Variants in RFC3 observed in about 807,000 individuals in gnomAD.
RFC3 encodes the protein A1 38 kDa subunit.
RFC3 carries 41 observed loss-of-function variants against 45.1 expected under a neutral mutation model. The observed-to-expected ratio is 0.91, with a 90% confidence interval of 0.71 to 1.18. RFC3 has a LOEUF of 1.18. Ranked by LOEUF, RFC3 falls within the 50% of genes most tolerant of loss-of-function variation. RFC3 has a pLI of 0.00. For synonymous variants in RFC3, 149 were observed against 144.0 expected (o/e 1.03, Z -0.25); for missense variants, 423 against 428.1 (o/e 0.99, Z 0.10).
intron 8 of RFC3, among the ~76,000 whole-genome samples, chr13:33,870,682 C>T (rs371089595): frequency 1.3e-5 from 2 of 152,176 alleles, no homozygotes; most frequent in African/African-American, 2.4e-5. Context: ...ATATGTCTGG[C>T]TAGAACTAAG....
At chr13:33,895,871 G>C (rs572991291) in intron 8 of RFC3, among the ~76,000 whole-genome samples, 9 of 152,262 alleles carry the variant, frequency 5.9e-5, no homozygotes, top group African/African-American at 2.2e-4. Context: ...CTTGGATGGA[G>C]CTGGGGGCCA....
chr13:33,906,982 C>T (rs980520048), intron 8 of RFC3, among the ~76,000 whole-genome samples: 1 of 151,988 alleles, frequency 6.6e-6, no homozygotes, highest in Non-Finnish European at 1.5e-5. Flanking sequence ...ATGCATGCTA[C>T]CATGCGTGGC....
At chr13:33,918,657 AG>A (rs1407433302) in intron 8 of RFC3, among the ~76,000 whole-genome samples, 3 of 152,122 alleles carry the variant, frequency 2.0e-5, no homozygotes, top group African/African-American at 7.2e-5. Context: ...CAAATAAAGA[AG>A]GCTGATGTAC....
chr13:33,828,371 A>T (rs1268930067), intron 4 of RFC3, among the ~76,000 whole-genome samples: 1 of 152,140 alleles, frequency 6.6e-6, no homozygotes, highest in East Asian at 1.9e-4. Flanking sequence ...TGCTGGGATT[A>T]CAGGCACAAG....
At chr13:33,827,268 G>A (rs918355439) in intron 4 of RFC3, among the ~76,000 whole-genome samples, 7 of 152,134 alleles carry the variant, frequency 4.6e-5, no homozygotes, top group Non-Finnish European at 7.4e-5. Context: ...CAGCCAGGGT[G>A]ACAGAGCGAG....
At chr13:33,952,045 T>C (rs749190018) in intron 8 of RFC3, among the ~76,000 whole-genome samples, 8 of 152,250 alleles carry the variant, frequency 5.3e-5, no homozygotes, top group Non-Finnish European at 8.8e-5. Context: ...TTGGATTCAA[T>C]TGAACATTCA....
intron 8 of RFC3, among the ~76,000 whole-genome samples, chr13:33,949,074 C>G (rs551984549): frequency 5.9e-5 from 9 of 152,174 alleles, no homozygotes; most frequent in African/African-American, 1.4e-4. Flanking sequence ...TGATATGGTT[C>G]ATCTCTGTGT....
intron 8 of RFC3, among the ~76,000 whole-genome samples, chr13:33,886,544 A>G (rs894791386): frequency 6.6e-6 from 1 of 151,330 alleles, no homozygotes; most frequent in Non-Finnish European, 1.5e-5. Context: ...GAAAAAAGAA[A>G]AAAAAAAAAA....
intron 8 of RFC3, among the ~76,000 whole-genome samples, chr13:33,881,529 C>T (rs1298098569): frequency 6.6e-6 from 1 of 152,072 alleles, no homozygotes; most frequent in Non-Finnish European, 1.5e-5. Context: ...ACTTGACTCT[C>T]AGGCCTCGCA....
At position 33,900,349 on chromosome 13, in the gene RFC3, G is replaced by A. The variant is rs146088428; in HGVS notation, c.879+65132G>A. 1.1e-4 allele frequency among the ~76,000 whole-genome samples: 17 copies of A among 152,010 alleles called. No homozygotes were observed. The East Asian group carries it at 3.3e-3, about 29-fold the overall frequency. On this transcript the variant is annotated intron_variant, in intron 8 of 8. Coordinates refer to the RFC3 transcript ENST00000434425. ...AACAGACACATAGACCAATGGAACA[G>A]AGTAGAGAGCCCAGACATAAATACA...
rs146698964 is a variant in RFC3, at chr13:33,902,451, T to C, written c.880-63636T>C. ...AGTGGATCATTGTCCATGTCACTTA[T>C]TAATTATATGGAAATCAGTGGTAAA... is the stretch of plus-strand genomic sequence containing the variant. On this transcript the variant is annotated intron_variant, in intron 8 of 8. Transcript: ENST00000434425. 6.5e-3 allele frequency among the ~76,000 whole-genome samples: 985 copies of C among 152,198 alleles called. 10 individuals carry two copies. Among genetic ancestry groups the C allele is most frequent in the African/African-American group, 0.021 (881 of 41,560 alleles).
chr13:33,855,061 C>T (rs911880270), intron 8 of RFC3, among the ~76,000 whole-genome samples: 3 of 152,146 alleles, frequency 2.0e-5, no homozygotes, highest in Admixed American at 6.6e-5. Flanking sequence ...TTAAACAACT[C>T]TACTTCCCTA....
At chr13:33,830,900 C>CT in intron 6 of RFC3, 45 bp downstream of exon 6, 1 of 1,561,284 alleles carries the variant, frequency 6.4e-7, no homozygotes, top group South Asian at 1.2e-5. Context: ...GGCCCCCAAG[C>CT]TTTTTGGCAC....
At chr13:33,932,879 A>G (rs1464010679) in intron 8 of RFC3, among the ~76,000 whole-genome samples, 9 of 152,198 alleles carry the variant, frequency 5.9e-5, no homozygotes, top group Admixed American at 5.2e-4. Context: ...CTTTTGCTGT[A>G]CATGTTTGCA....
In RFC3 at chr13:33,836,733, T is replaced by G. The variant is rs1471363763; in HGVS notation, c.*438T>G. On this transcript the variant is annotated 3_prime_UTR_variant, in exon 9 of 9. Transcript: ENST00000380071. ...ATTCTAGTTTCTCTCAATGAATAAT[T>G]GTATTTTTGTAGGAAATGTAAGATT... 12 of 984,718 alleles carry G rather than the reference T, an allele frequency of 1.2e-5. No individual in the cohort carries two copies. Among genetic ancestry groups the G allele is most frequent in the South Asian group, 4.7e-5 (1 of 21,316 alleles). The allele number at this position is 984,718 out of a possible 1,614,324, so 61.0% of individuals were successfully genotyped here. A position where few individuals can be genotyped will look rare whatever the true frequency, so the allele number is the denominator to read the frequency against.
At chr13:33,939,145 TA>T (rs1280526962) in intron 8 of RFC3, among the ~76,000 whole-genome samples, 1 of 152,200 alleles carries the variant, frequency 6.6e-6, no homozygotes, top group Non-Finnish European at 1.5e-5. Context: ...AGTTTTAAAA[TA>T]TATGAATATA....
chr13:33,824,143 A>G (rs2082028367), intron 3 of RFC3, among the ~76,000 whole-genome samples, 159 bp downstream of exon 3: 1 of 152,130 alleles, frequency 6.6e-6, no homozygotes. Flanking sequence ...TGAAATGGGA[A>G]TCCTAGAGCC....
intron 8 of RFC3, among the ~76,000 whole-genome samples, chr13:33,925,087 A>G (rs2082796041): frequency 6.7e-6 from 1 of 148,534 alleles, no homozygotes; most frequent in Admixed American, 6.7e-5. Flanking sequence ...ATACACGCAT[A>G]TATAGTGTAC....
chr13:33,830,696 A>G, intron 5 of RFC3, 23 bp from the exon 6 acceptor site: 1 of 1,597,582 alleles, frequency 6.3e-7, no homozygotes. Flanking sequence ...TGGATTGCCC[A>G]TTTTTGTTAA....
Sources: gnomAD v4.1 joint callset for allele counts (sites outside exome capture counted in the v4.1 genomes callset) on GRCh38, gnomAD v4.1.1 for gene constraint, MANE v1.5 for transcripts, NCBI Gene and HGNC (gene_info 2026-07-23, HGNC 2026-07-21) for gene names.